Variants in STOX2 observed in about 807,000 individuals in gnomAD.
STOX2 encodes storkhead-box protein 2.
A neutral mutation model predicts 60.9 loss-of-function variants in STOX2; 28 were observed. The ratio of observed to expected loss-of-function variants is 0.46; its 90% CI spans 0.34 to 0.63. STOX2 has a LOEUF of 0.63. Among genes scored for constraint, STOX2 ranks in the 30% least tolerant of loss-of-function variants. STOX2 has a pLI of 0.01. For missense variants in STOX2, 1,024 were observed against 1,187.7 expected (o/e 0.86, Z 2.03); for synonymous variants, 472 against 463.9 (o/e 1.02, Z -0.22).
Position 184,010,229 on chromosome 4 carries a change from A to G in STOX2, c.1391A>G (p.His464Arg). The G allele has an allele frequency of 6.4e-7, 1 of 1,557,412 alleles. No homozygotes were observed. The highest frequency in any genetic ancestry group is 8.7e-7 in the Non-Finnish European group (1 of 1,150,512). ...CCTGAACCTTCTAGGGGAAGCTCCCACTCAAAAGTGCACCGAAGCCACAGC... is the reference window on the plus strand; with the variant it reads ...CCTGAACCTTCTAGGGGAAGCTCCCGCTCAAAAGTGCACCGAAGCCACAGC... ...PFPEPSRGSS[H>R]SKVHRSHSHT... Residue 464 changes from histidine (H) to arginine (R), a missense_variant, in exon 3 of 4, where the codon CAC becomes CGC. His to Arg is a conservative substitution (Grantham distance 29, BLOSUM62 0). Transcript: ENST00000308497. This position sits in a 1 kb window ranked among gnomAD's most constrained non-coding sequence, Gnocchi z 4.5.
intron 1 of STOX2, among the ~76,000 whole-genome samples, chr4:183,992,183 A>G (rs1306119147): frequency 6.6e-6 from 1 of 152,178 alleles, no homozygotes; most frequent in East Asian, 1.9e-4. Context: ...GTAGCAGTCA[A>G]TCGGTACAAT....
chr4:183,870,008 G>A (rs1740651538), intron 1 of STOX2, among the ~76,000 whole-genome samples: 1 of 152,184 alleles, frequency 6.6e-6, no homozygotes, highest in South Asian at 2.1e-4. Context: ...TTTGTTTATG[G>A]CCTGATTGAT....
At chr4:183,849,721 C>A (rs1052788821) in intron 1 of STOX2, among the ~76,000 whole-genome samples, 1 of 152,104 alleles carries the variant, frequency 6.6e-6, no homozygotes, top group Non-Finnish European at 1.5e-5. Flanking sequence ...ATCCACACAT[C>A]GGGATCAGGA....
At chr4:184,007,033 CAAAACAAAAAAA>C (rs1744412157) in intron 2 of STOX2, among the ~76,000 whole-genome samples, 3 of 67,068 alleles carry the variant, frequency 4.5e-5, no homozygotes, top group Non-Finnish European at 7.5e-5. Flanking sequence ...AAAAAAAAAA[CAAAACAAAAAAA>C]AAATTTTGTT....
At chr4:183,872,216 A>G (rs974992314) in intron 1 of STOX2, among the ~76,000 whole-genome samples, 1 of 152,094 alleles carries the variant, frequency 6.6e-6, no homozygotes, top group African/African-American at 2.4e-5. Context: ...AATCATGCTC[A>G]GGTAATTTTT....
intron 1 of STOX2, among the ~76,000 whole-genome samples, chr4:183,942,816 G>C (rs1441841477): frequency 1.3e-5 from 2 of 152,062 alleles, no homozygotes; most frequent in Non-Finnish European, 2.9e-5. Flanking sequence ...CTTTTTTAAT[G>C]GTTTGAAACC....
At chr4:183,803,945 G>C (rs889802576) in intron 1 of STOX2, among the ~76,000 whole-genome samples, 3 of 152,066 alleles carry the variant, frequency 2.0e-5, no homozygotes, top group Non-Finnish European at 4.4e-5. Flanking sequence ...TCCAGCCTGG[G>C]TGACAGTGAG....
intron 1 of STOX2, among the ~76,000 whole-genome samples, chr4:183,993,431 T>C (rs913330864): frequency 1.3e-5 from 2 of 152,238 alleles, no homozygotes; most frequent in Non-Finnish European, 2.9e-5. Flanking sequence ...TTTAACTTTA[T>C]TCCCATTAGA....
rs75944738 is a variant in STOX2, at chr4:183,888,792, C to T, written c.364+90737C>T. Among the ~76,000 whole-genome samples the T allele has an allele frequency of 9.2e-5, 14 of 152,246 alleles. No homozygotes were observed. The East Asian group carries it at 2.5e-3, about 27-fold the overall frequency. On this transcript the variant is annotated intron_variant, in intron 1 of 2. Coordinates refer to the STOX2 transcript ENST00000513034. ...CATCTCAAGTGCTACCTTTTCCCCA[C>T]GCCTTTCCTCCACTTCATTCTTTTG...
chr4:183,880,146 T>G (rs1009328537), intron 1 of STOX2, among the ~76,000 whole-genome samples: 1 of 151,938 alleles, frequency 6.6e-6, no homozygotes, highest in African/African-American at 2.4e-5. Flanking sequence ...GCCCAGCTAA[T>G]TTTTGTATTT....
At chr4:184,006,990 T>C (rs891843962) in intron 2 of STOX2, among the ~76,000 whole-genome samples, 3 of 111,822 alleles carry the variant, frequency 2.7e-5, no homozygotes, top group African/African-American at 1.1e-4. Context: ...CACTCCAGCC[T>C]GGGCGACAGA....
At chr4:183,902,698 A>G (rs912638003), upstream of STOX2, among the ~76,000 whole-genome samples, 1 of 152,152 alleles carries the variant, frequency 6.6e-6, no homozygotes, top group African/African-American at 2.4e-5. Context: ...TTTTCTTCAG[A>G]TTGGACTGGT....
chr4:183,825,917 G>T lies in STOX2; in HGVS notation c.364+27862G>T, dbSNP rs762864071. 6.6e-6 allele frequency among the ~76,000 whole-genome samples: 1 copy of T among 152,150 alleles called. No homozygotes were observed. Among genetic ancestry groups the T allele is most frequent in the Non-Finnish European group, 1.5e-5 (1 of 68,014 alleles). On this transcript the variant is annotated intron_variant, in intron 1 of 2. Coordinates refer to the STOX2 transcript ENST00000513034. This position sits in a 1 kb window ranked among gnomAD's most constrained non-coding sequence, Gnocchi z 4.1. ...ATGGGGAGAAGGCGCGAGAAGGGTC[G>T]TTGGCTGTGAGCTGAAAATCGACAC...
chr4:183,870,821 T>C (rs935780226), intron 1 of STOX2, among the ~76,000 whole-genome samples: 1 of 152,158 alleles, frequency 6.6e-6, no homozygotes, highest in African/African-American at 2.4e-5. Flanking sequence ...AGAACCCCAT[T>C]TGTTGTTCTT....
At chr4:183,855,085 A>G (rs1180374121) in intron 1 of STOX2, among the ~76,000 whole-genome samples, 2 of 152,140 alleles carry the variant, frequency 1.3e-5, no homozygotes, top group African/African-American at 4.8e-5. Flanking sequence ...GTGATGTAAT[A>G]GAGTATTTGG....
chr4:183,998,907 C>T (rs186209725), intron 1 of STOX2, among the ~76,000 whole-genome samples: 67 of 152,120 alleles, frequency 4.4e-4, no homozygotes, highest in Admixed American at 3.7e-3. Context: ...GTAATTCCAG[C>T]GCTTTAAGAG....
intron 1 of STOX2, among the ~76,000 whole-genome samples, chr4:183,915,740 G>A (rs561488814): frequency 6.6e-6 from 1 of 152,328 alleles, no homozygotes; most frequent in Admixed American, 6.5e-5. Context: ...TTACAAACGA[G>A]GGAAGGCCCA....
intron 1 of STOX2, among the ~76,000 whole-genome samples, chr4:183,941,522 C>T (rs139135367): frequency 0.021 from 3,171 of 152,256 alleles, 120 homozygotes; most frequent in African/African-American, 0.073. Context: ...GAGCTGAGAT[C>T]GCACCACTGC....
intron 1 of STOX2, among the ~76,000 whole-genome samples, chr4:183,986,388 G>A (rs574906013): frequency 4.6e-5 from 7 of 152,208 alleles, no homozygotes; most frequent in Non-Finnish European, 1.0e-4. Context: ...ACAGTGCCAC[G>A]GGGAGGACTC....
Sources: gnomAD v4.1 joint callset for allele counts (sites outside exome capture counted in the v4.1 genomes callset) on GRCh38, gnomAD v4.1.1 for gene constraint, Gnocchi (gnomAD v3.1) non-coding constraint, MANE v1.5 for transcripts, NCBI Gene and HGNC (gene_info 2026-07-23, HGNC 2026-07-21) for gene names.